Variants in CEP89 observed in about 807,000 individuals in gnomAD.
CEP89 encodes centrosomal protein of 89 kDa.
A neutral mutation model predicts 97.6 loss-of-function variants in CEP89; 95 were observed. That is an observed-to-expected ratio of 0.97 (90% confidence interval 0.82 to 1.15). The LOEUF (loss-of-function observed/expected upper bound fraction) is 1.15, where lower values mean the gene tolerates loss of function less well. Ranked by LOEUF, CEP89 falls within the 50% of genes most tolerant of loss-of-function variation. The pLI, the probability that CEP89 is intolerant of heterozygous loss-of-function variation, is 0.00. For synonymous variants in CEP89, 354 were observed against 349.1 expected (o/e 1.01, Z -0.16); for missense variants, 869 against 947.7 (o/e 0.92, Z 1.09).
chr19:32,929,081 T>C lies in CEP89; in HGVS notation c.1030-2097A>G, dbSNP rs183060287. 2.1e-3 allele frequency among the ~76,000 whole-genome samples: 323 copies of C among 152,328 alleles called. 1 individual carries two copies. The highest frequency in any genetic ancestry group is 4.0e-3 in the Admixed American group (61 of 15,302). ...TATTTATTTCACAAAAGCTTTACAA[T>C]GTGAACACCTTAATATCTATGTAAT... On this transcript the variant is annotated intron_variant, in intron 9 of 18. Transcript: ENST00000305768.
intron 4 of CEP89, among the ~76,000 whole-genome samples, chr19:32,952,374 G>A (rs1970939199): frequency 6.6e-6 from 1 of 150,734 alleles, no homozygotes; most frequent in Non-Finnish European, 1.5e-5. Flanking sequence ...CCAGCTACTC[G>A]GGAGGCTGAG....
intron 11 of CEP89, among the ~76,000 whole-genome samples, chr19:32,925,152 A>G (rs1970327952): frequency 1.3e-5 from 2 of 152,176 alleles, no homozygotes; most frequent in Admixed American, 6.5e-5. Context: ...TCAGGATCCC[A>G]GAACAACCAA....
chr19:32,931,425 T>C lies in CEP89; in HGVS notation c.1029+4A>G. 1 of 1,563,690 alleles carries C rather than the reference T, an allele frequency of 6.4e-7. No homozygotes were observed. Among genetic ancestry groups the C allele is most frequent in the African/African-American group, 1.4e-5 (1 of 71,916 alleles). On this transcript the variant is annotated splice_donor_region_variant and intron_variant, in intron 9 of 18. Transcript: ENST00000305768. ...AAGCTGATTTTCACAATCGGAAACG[T>C]TACCTCTTCCTTGGACAAATGCCTG...
chr19:32,913,936 G>A (rs1380105320), intron 14 of CEP89, among the ~76,000 whole-genome samples: 1 of 152,052 alleles, frequency 6.6e-6, no homozygotes, highest in African/African-American at 2.4e-5. Flanking sequence ...ACCGTGCCCG[G>A]CCACACACAC....
chr19:32,888,321 A>C (rs1969442696), intron 16 of CEP89, among the ~76,000 whole-genome samples: 1 of 152,256 alleles, frequency 6.6e-6, no homozygotes, highest in Non-Finnish European at 1.5e-5. Context: ...TTGAAGTCGA[A>C]TGATTTAAAC....
At chr19:32,934,848 C>T (rs1006271671) in intron 7 of CEP89, among the ~76,000 whole-genome samples, 2 of 152,070 alleles carry the variant, frequency 1.3e-5, no homozygotes, top group East Asian at 1.9e-4. Flanking sequence ...CCTGGTGGCT[C>T]GCACCTGCAA....
In CEP89 at chr19:32,956,376, G is replaced by GT. The variant is rs1029267244; in HGVS notation, c.306-2576dup. Among the ~76,000 whole-genome samples the GT allele has an allele frequency of 6.8e-3, 966 of 141,672 alleles. 10 individuals carry two copies. Among genetic ancestry groups the GT allele is most frequent in the African/African-American group, 0.021 (815 of 38,910 alleles). The allele number at this position is 141,672 out of a possible 152,430, so 92.9% of individuals were successfully genotyped here. A position where few individuals can be genotyped will look rare whatever the true frequency, so the allele number is the denominator to read the frequency against. ...GCCTGTTTTTTCTTTTTTTATTTTT[G>GT]TTTTTTTTTTTGAGACAGGGTCTCA... On this transcript the variant is annotated intron_variant, in intron 3 of 18. Transcript: ENST00000305768.
chr19:32,879,385 G>T lies in CEP89; in HGVS notation c.2136-7C>A, dbSNP rs1969231226. 6.2e-7 allele frequency: 1 copy of T among 1,609,490 alleles called. No individual in the cohort carries two copies. The highest frequency in any genetic ancestry group is 2.2e-5 in the East Asian group (1 of 44,862). On this transcript the variant is annotated splice_polypyrimidine_tract_variant and splice_region_variant and intron_variant, in intron 18 of 18. Coordinates refer to ENST00000305768, the MANE Select transcript of CEP89 (RefSeq NM_032816.5). ...AAGTTCACCTTCCATTTCTCTGAGG[G>T]AAATAAGTTTAAAATGGCACAATTT...
At chr19:32,935,962 A>G (rs1466763562) in intron 7 of CEP89, among the ~76,000 whole-genome samples, 1 of 152,204 alleles carries the variant, frequency 6.6e-6, no homozygotes, top group African/African-American at 2.4e-5. Flanking sequence ...CCACAGAGCC[A>G]TCAGGAGCCG....
Position 32,879,270 on chromosome 19 carries a change from G to T in CEP89, c.2244C>A (p.Asn748Lys), listed in dbSNP as rs991941807. ...DTLTRTGVQD[N>K]PRALVAPSLN... ...GGCTGGGGGCAACCAGAGCTCTGGG[G>T]TTGTCCTGCACGCCTGTCCTCGTGA... is the stretch of plus-strand genomic sequence containing the variant. The change falls in exon 19 of 19, where the codon AAC (asparagine) becomes AAA (lysine). Residue 748 changes from asparagine (N) to lysine (K), a missense_variant. Coordinates refer to ENST00000305768, the MANE Select transcript of CEP89 (RefSeq NM_032816.5). The T allele has an allele frequency of 3.7e-6, 6 of 1,614,256 alleles. No individual in the cohort carries two copies. The African/African-American group carries it at 6.7e-5, about 18-fold the overall frequency.
rs753568653 is a variant in CEP89, at chr19:32,899,916, C to T, written c.1816G>A (p.Ala606Thr). Reference sequence around the variant, plus strand: ...TTTTCTGCCAGGCCAACAAGGTTTGCCAGGTACTGATGAGCAGACATTTCG... The same window carrying T: ...TTTTCTGCCAGGCCAACAAGGTTTGTCAGGTACTGATGAGCAGACATTTCG... ...GNEMSAHQYL[A>T]NLVGLAENIT... The change falls in exon 16 of 19, where the codon GCA (alanine) becomes ACA (threonine). Residue 606 changes from alanine (A) to threonine (T), a missense_variant. By Grantham distance (58) the Ala-to-Thr change is moderately conservative. Coordinates refer to ENST00000305768, the MANE Select transcript of CEP89 (RefSeq NM_032816.5). The T allele has an allele frequency of 9.9e-6, 16 of 1,613,942 alleles. No homozygotes were observed. In the Admixed American group the frequency reaches 2.7e-4, roughly 27 times the overall value.
At chr19:32,961,862 TG>T (rs1971175945) in intron 2 of CEP89, among the ~76,000 whole-genome samples, 1 of 152,052 alleles carries the variant, frequency 6.6e-6, no homozygotes, top group Non-Finnish European at 1.5e-5. Context: ...CAGGCTGGTC[TG>T]GAACTCCTGG....
At chr19:32,949,249 GAGTT>G (rs1970861003) in intron 4 of CEP89, among the ~76,000 whole-genome samples, 1 of 152,196 alleles carries the variant, frequency 6.6e-6, no homozygotes, top group Non-Finnish European at 1.5e-5. Context: ...CAGGGACACA[GAGTT>G]GTCCTTTAGA....
Position 32,960,027 on chromosome 19 carries a change from T to A in CEP89, c.178A>T (p.Thr60Ser), listed in dbSNP as rs754488442. Residue 60 changes from threonine to serine, a missense_variant, in exon 3 of 19, where the codon ACA (threonine) becomes TCA (serine). Physicochemically the swap from Thr to Ser is moderately conservative, Grantham distance 58. Transcript: ENST00000305768. The part of the protein sequence containing the change: ...SALAAAILAT[T>S]LTGRTVAIPQ... Reference sequence around the variant, plus strand: ...ATAGCAACCGTCCGCCCAGTCAATGTTGTCGCCAGAATGGCTGCTGCCAGA... The same window carrying A: ...ATAGCAACCGTCCGCCCAGTCAATGATGTCGCCAGAATGGCTGCTGCCAGA... The A allele has an allele frequency of 6.2e-6, 10 of 1,614,224 alleles. No homozygotes were observed. Among genetic ancestry groups the A allele is most frequent in the Non-Finnish European group, 8.5e-6 (10 of 1,180,038 alleles).
chr19:32,955,742 G>A (rs950729829), intron 3 of CEP89, among the ~76,000 whole-genome samples: 1 of 152,112 alleles, frequency 6.6e-6, no homozygotes, highest in East Asian at 1.9e-4. Flanking sequence ...TTGAACTCCT[G>A]ACCTCAAGTG....
At chr19:32,889,520 A>G (rs1969468928) in intron 16 of CEP89, among the ~76,000 whole-genome samples, 1 of 152,222 alleles carries the variant, frequency 6.6e-6, no homozygotes, top group South Asian at 2.1e-4. Flanking sequence ...TGTTGGCTCA[A>G]CAAGTAACTT....
intron 14 of CEP89, among the ~76,000 whole-genome samples, chr19:32,914,418 C>T (rs1227695982): frequency 6.6e-6 from 1 of 151,942 alleles, no homozygotes; most frequent in Non-Finnish European, 1.5e-5. Context: ...TACCACCACG[C>T]CTGGCTAGTT....
chr19:32,951,534 T>TATATATATATATACAC (rs1407110112), intron 4 of CEP89, among the ~76,000 whole-genome samples: 2 of 122,042 alleles, frequency 1.6e-5, no homozygotes, highest in African/African-American at 6.8e-5. Context: ...TATATATATA[T>TATATATATATATACAC]ACACACACAC....
chr19:32,963,941 AACACACACACACACACACACACAC>A (rs55691423), intron 2 of CEP89: 1 of 143,602 alleles, frequency 7.0e-6, no homozygotes, highest in African/African-American at 2.6e-5. Context: ...CATGCACATG[AACACACACACACACACACACACAC>A]ACACACACAC....
Sources: allele counts gnomAD v4.1 joint callset (sites outside exome capture counted in the v4.1 genomes callset), GRCh38; gene constraint gnomAD v4.1.1; transcripts MANE v1.5; gene names NCBI Gene and HGNC (gene_info 2026-07-23, HGNC 2026-07-21).